ZNF343: variants seen among roughly 807,000 people sequenced by gnomAD.
ZNF343 encodes zinc finger protein 343.
A neutral mutation model predicts 13.8 loss-of-function variants in ZNF343; 11 were observed. The observed-to-expected ratio is 0.80, with a 90% CI of 0.50 to 1.32. The LOEUF is 1.32. Ranked by LOEUF, ZNF343 falls within the 40% of genes most tolerant of loss-of-function variation. ZNF343 has a pLI of 0.00. For synonymous variants in ZNF343, 248 were observed against 260.0 expected (o/e 0.95, Z 0.44); for missense variants, 658 against 714.2 (o/e 0.92, Z 0.90).
Position 2,514,171 on chromosome 20 carries a change from G to A in ZNF343, c.-347+10284C>T, listed in dbSNP as rs2085749742. On this transcript the variant is annotated intron_variant, in intron 1 of 6. Transcript: ENST00000358413. ...TGGAATTAGATAATGGTGATGGTTG[G>A]GCAATATTGTGAATGTACTGAATGA... is the stretch of plus-strand genomic sequence containing the variant. Among the ~76,000 whole-genome samples the A allele has an allele frequency of 1.3e-5, 2 of 152,110 alleles. 1 individual carries two copies. Among genetic ancestry groups the A allele is most frequent in the South Asian group, 4.1e-4 (2 of 4,822 alleles).
In ZNF343 at chr20:2,484,529, C is replaced by T. The variant is rs1299140312; in HGVS notation, c.432G>A (p.Gly144=). 6.2e-7 allele frequency: 1 copy of T among 1,614,176 alleles called. No homozygotes were observed. The highest frequency in any genetic ancestry group is 2.2e-5 in the East Asian group (1 of 44,886). The change falls in exon 6 of 6, where the codon GGG becomes GGA. Residue 144 remains glycine, a synonymous_variant. Coordinates refer to ENST00000278772, the MANE Select transcript of ZNF343 (RefSeq NM_024325.6). ...GTTTCCAATGCCCTGGGCTAGAATT[C>T]CCTGGATGGAAGTGATTTTCTGCAC... ...GLCAENHFHP[G]NSSPGHWKQQ... is the part of the protein sequence containing the mutation.
intron 1 of ZNF343, among the ~76,000 whole-genome samples, chr20:2,522,686 C>T (rs569027463): frequency 5.9e-5 from 9 of 152,334 alleles, no homozygotes; most frequent in South Asian, 2.1e-4. Flanking sequence ...TGGTGGCTCA[C>T]GCCTGTAATC....
At chr20:2,520,387 C>T (rs2085777202) in intron 1 of ZNF343, among the ~76,000 whole-genome samples, 2 of 152,090 alleles carry the variant, frequency 1.3e-5, no homozygotes, top group South Asian at 4.2e-4. Context: ...AATCCCAGCA[C>T]TTTAGGAGGC....
At chr20:2,500,551 A>G (rs1218565917) in intron 2 of ZNF343, 105 bp downstream of exon 2, 2 of 152,232 alleles carry the variant, frequency 1.3e-5, no homozygotes, top group African/African-American at 2.4e-5. Flanking sequence ...TTGAGCCTCA[A>G]TTGGAACACT....
At chr20:2,524,793 A>G (rs2085797991), upstream of ZNF343, 1 of 152,052 alleles carries the variant, frequency 6.6e-6, no homozygotes, top group Non-Finnish European at 1.5e-5. Context: ...CCCTCTTACT[A>G]TTTTTATTTT....
intron 4 of ZNF343, 23 bp downstream of exon 4, chr20:2,493,496 A>C (rs2085400871): frequency 1.9e-6 from 3 of 1,612,146 alleles, no homozygotes; most frequent in Non-Finnish European, 2.5e-6. Context: ...TCAGGAAAAA[A>C]AAAAAATGTA....
chr20:2,507,358 A>T (rs1464506508), intron 1 of ZNF343, among the ~76,000 whole-genome samples: 1 of 152,068 alleles, frequency 6.6e-6, no homozygotes, highest in Non-Finnish European at 1.5e-5. Context: ...AACAGCTTCT[A>T]GGGGACAGAA....
chr20:2,502,579 A>C (rs1442582162), intron 1 of ZNF343, among the ~76,000 whole-genome samples: 1 of 152,160 alleles, frequency 6.6e-6, no homozygotes, highest in African/African-American at 2.4e-5. Flanking sequence ...CGGGTTACCC[A>C]CAAAGGGAAG....
chr20:2,489,087 A>T (rs1462532243), intron 5 of ZNF343, among the ~76,000 whole-genome samples: 1 of 152,194 alleles, frequency 6.6e-6, no homozygotes, highest in Non-Finnish European at 1.5e-5. Context: ...AAATTTGAAC[A>T]CAGATTTCGT....
intron 1 of ZNF343, among the ~76,000 whole-genome samples, chr20:2,503,192 A>G (rs1343675660): frequency 6.6e-6 from 1 of 152,234 alleles, no homozygotes; most frequent in East Asian, 1.9e-4. Flanking sequence ...ACTTTAAACC[A>G]ACAAAGATCA....
In ZNF343 at chr20:2,515,012, AAAG is replaced by A. The variant is rs997279830; in HGVS notation, c.-347+9440_-347+9442del. Reference sequence around the variant, plus strand: ...AGCGAGACATTGTATCAAAAAAAAAAAAGAAGAAGAAGAAGAAAGAAGAAGGAA... The same window carrying A: ...AGCGAGACATTGTATCAAAAAAAAAAAAGAAGAAGAAGAAAGAAGAAGGAA... On this transcript the variant is annotated intron_variant, in intron 1 of 6. Coordinates refer to the ZNF343 transcript ENST00000358413. Among the ~76,000 whole-genome samples the A allele has an allele frequency of 1.0e-3, 153 of 151,842 alleles. 1 individual carries two copies. The highest frequency in any genetic ancestry group is 3.4e-3 in the Middle Eastern group (1 of 294).
chr20:2,500,486 G>A (rs926511142), intron 2 of ZNF343, among the ~76,000 whole-genome samples, 170 bp downstream of exon 2: 2 of 152,224 alleles, frequency 1.3e-5, no homozygotes, highest in African/African-American at 4.8e-5. Context: ...AATATTCCCT[G>A]TGGAGATCCT....
In ZNF343 at chr20:2,481,983, G is replaced by C. The variant is rs370699453; in HGVS notation, c.*1178C>G. 30 of 151,950 alleles carry C rather than the reference G, an allele frequency of 2.0e-4. No individual in the cohort carries two copies. The highest frequency in any genetic ancestry group is 6.6e-4 in the African/African-American group (27 of 41,220). The allele number at this position is 151,950 out of a possible 1,614,324, so 9.4% of individuals were successfully genotyped here. ...TCAGAGGTGAGTGAGGTAGTGACTT[G>C]GGGTAGCAAGACTGTCCTCCTAAGT... On this transcript the variant is annotated 3_prime_UTR_variant, in exon 6 of 6. Coordinates refer to ENST00000278772, the MANE Select transcript of ZNF343 (RefSeq NM_024325.6).
chr20:2,522,069 C>T (rs1424487514), intron 1 of ZNF343, among the ~76,000 whole-genome samples: 1 of 152,042 alleles, frequency 6.6e-6, no homozygotes, highest in Admixed American at 6.5e-5. Context: ...CTAAGAAGGT[C>T]CTTTTGAGAA....
chr20:2,509,619 T>C (rs2085725312), upstream of ZNF343, among the ~76,000 whole-genome samples: 1 of 152,074 alleles, frequency 6.6e-6, no homozygotes, highest in African/African-American at 2.4e-5. Context: ...GGGATTCCTG[T>C]AACCCCGAGG....
chr20:2,513,617 T>C (rs1417992073), upstream of ZNF343, among the ~76,000 whole-genome samples: 1 of 152,232 alleles, frequency 6.6e-6, no homozygotes. Context: ...TGACCCAGCA[T>C]TTCTACTCCA....
intron 5 of ZNF343, among the ~76,000 whole-genome samples, chr20:2,486,176 TAGG>T (rs1476249254): frequency 6.6e-6 from 1 of 152,178 alleles, no homozygotes; most frequent in Non-Finnish European, 1.5e-5. Flanking sequence ...AGCATTTCAG[TAGG>T]AGAAGAAATC....
rs561913890 is a variant in ZNF343 at position 2,484,852 on chromosome 20, A to G, written c.305-196T>C. ...GCAATCCAGAAAATCCATAACAAAA[A>G]TATCTTGAGAAACCAGGAACCTCTC... On this transcript the variant is annotated intron_variant, in intron 5 of 5. Coordinates refer to ENST00000278772, the MANE Select transcript of ZNF343 (RefSeq NM_024325.6). 2.0e-5 allele frequency among the ~76,000 whole-genome samples: 3 copies of G among 152,338 alleles called. No homozygotes were observed. In the South Asian group the frequency reaches 6.2e-4, roughly 32 times the overall value.
Position 2,518,248 on chromosome 20 carries a change from C to T in ZNF343, c.-347+6207G>A, listed in dbSNP as rs892750560. ...ACCAGGCTTGTCTTGAACTCCTGAA[C>T]TCAGACAGTTTGCCGACCTTGGCCT... On this transcript the variant is annotated intron_variant, in intron 1 of 6. Coordinates refer to the ZNF343 transcript ENST00000358413. The surrounding 1 kb of genome is among the most constrained non-coding windows in gnomAD (Gnocchi z 4.6). Among the ~76,000 whole-genome samples the T allele has an allele frequency of 2.6e-5, 4 of 152,186 alleles. No homozygotes were observed. Among genetic ancestry groups the T allele is most frequent in the African/African-American group, 9.7e-5 (4 of 41,440 alleles).
Sources: allele counts gnomAD v4.1 joint callset (sites outside exome capture counted in the v4.1 genomes callset), GRCh38; gene constraint gnomAD v4.1.1; non-coding constraint Gnocchi (gnomAD v3.1); transcripts MANE v1.5; gene names NCBI Gene and HGNC (gene_info 2026-07-23, HGNC 2026-07-21).